ADPRHL1: variants seen among roughly 807,000 people sequenced by gnomAD.
The protein encoded by ADPRHL1 is inactive ADP-ribosyltransferase ARH2.
ADPRHL1 carries 43 observed loss-of-function variants against 44.1 expected under a neutral mutation model. The observed-to-expected ratio is 0.98, with a 90% CI of 0.76 to 1.26. The LOEUF is 1.26. Ranked by LOEUF, ADPRHL1 falls within the 50% of genes most tolerant of loss-of-function variation. The pLI is 0.00. For synonymous variants in ADPRHL1, 878 were observed against 1,017.4 expected (o/e 0.86, Z 2.61); for missense variants, 2,022 against 2,496.9 (o/e 0.81, Z 4.05).
In ADPRHL1 at chr13:113,433,818, G is replaced by T; in HGVS notation, c.429C>A (p.Tyr143Ter). 3.2e-6 allele frequency: 5 copies of T among 1,581,256 alleles called. No individual in the cohort carries two copies. The highest frequency in any genetic ancestry group is 4.3e-6 in the Non-Finnish European group (5 of 1,164,074). Residue 143 changes from tyrosine to a stop codon, truncating the protein, a stop_gained, in exon 3 of 8, where the codon TAC becomes TAA. Coordinates refer to ENST00000612156, the MANE Select transcript of ADPRHL1 (RefSeq NM_001394807.1). LOFTEE classifies it high-confidence loss of function. ...ATKAMCIGLR[Y>*]WKPERLETLI... ...GGGTCTCCAGCCGCTCAGGCTTCCA[G>T]TACCGCAGGCCGATGCACATGGCCT...
At chr13:113,424,148 C>T in intron 6 of ADPRHL1, 69 bp downstream of exon 6, 1 of 1,588,718 alleles carries the variant, frequency 6.3e-7, no homozygotes, top group Non-Finnish European at 8.6e-7. Context: ...TCCTAGGACA[C>T]TCCGAGGGGG....
intron 2 of ADPRHL1, among the ~76,000 whole-genome samples, chr13:113,434,702 T>G (rs534939011): frequency 8.5e-6 from 1 of 118,090 alleles, no homozygotes; most frequent in Non-Finnish European, 1.7e-5. Flanking sequence ...AGAGTGAACA[T>G]AGGTGTACCC....
rs1486129623 is a variant in ADPRHL1, at chr13:113,400,603, G to C, written c.*2775C>G. On this transcript the variant is annotated 3_prime_UTR_variant, in exon 8 of 8. Coordinates refer to ENST00000612156, the MANE Select transcript of ADPRHL1 (RefSeq NM_001394807.1). ...CCATGTGGCCGTGATGGTCGTATCT[G>C]AAGTGTGAATACTTCCCCGCGCTAT... is the stretch of plus-strand genomic sequence containing the variant. 1 of 152,220 alleles carries C rather than the reference G, an allele frequency of 6.6e-6. No individual in the cohort carries two copies. The highest frequency in any genetic ancestry group is 1.5e-5 in the Non-Finnish European group (1 of 68,058). The allele number at this position is 152,220 out of a possible 1,614,324, so 9.4% of individuals were successfully genotyped here. A position where few individuals can be genotyped will look rare whatever the true frequency, so the allele number is the denominator to read the frequency against.
At chr13:113,436,776 C>G (rs1324647681) in intron 2 of ADPRHL1, among the ~76,000 whole-genome samples, 5 of 14,108 alleles carry the variant, frequency 3.5e-4, no homozygotes, top group Non-Finnish European at 6.1e-4. Flanking sequence ...TACCCCGGGA[C>G]CCGGCACCCA....
In ADPRHL1 at chr13:113,409,425, G is replaced by A. The variant is rs188814605; in HGVS notation, c.1062-1205C>T. The stretch of plus-strand genomic sequence containing the variant: ...AGACTCGAGTATTACAGGAAAAGTC[G>A]CCTTCATGGTGCCGTTTATAATGTT... On this transcript the variant is annotated intron_variant, in intron 7 of 7. Transcript: ENST00000612156. The surrounding 1 kb of genome is among the most constrained non-coding windows in gnomAD (Gnocchi z 4.2). The A allele has an allele frequency of 2.6e-4, 255 of 985,382 alleles. 2 individuals carry two copies. The African/African-American group carries it at 3.9e-3, about 15-fold the overall frequency. 61.0% of individuals were successfully genotyped at this position (985,382 alleles called of 1,614,324 possible). A position where few individuals can be genotyped will look rare whatever the true frequency, so the allele number is the denominator to read the frequency against.
At position 113,403,167 on chromosome 13, in the gene ADPRHL1, T is replaced by G. The variant is rs972961357; in HGVS notation, c.*211A>C. ...CACAGGCCCGCACCTCCCACCCCCATGGCCTCGTGGCTCTGTGGGGTGACA... is the reference window on the plus strand; with the variant it reads ...CACAGGCCCGCACCTCCCACCCCCAGGGCCTCGTGGCTCTGTGGGGTGACA... On this transcript the variant is annotated 3_prime_UTR_variant, in exon 8 of 8. Coordinates refer to ENST00000612156, the MANE Select transcript of ADPRHL1 (RefSeq NM_001394807.1). 2 of 391,242 alleles carry G rather than the reference T, an allele frequency of 5.1e-6. No homozygotes were observed. The highest frequency in any genetic ancestry group is 4.6e-5 in the Admixed American group (1 of 21,822). The allele number at this position is 391,242 out of a possible 1,614,324, so 24.2% of individuals were successfully genotyped here. A position where few individuals can be genotyped will look rare whatever the true frequency, so the allele number is the denominator to read the frequency against.
intron 1 of ADPRHL1, among the ~76,000 whole-genome samples, chr13:113,450,999 C>A (rs1383357508): frequency 2.7e-5 from 4 of 148,154 alleles, no homozygotes; most frequent in Non-Finnish European, 5.9e-5. Context: ...TTGTTCCTTG[C>A]CACCTTTTGC....
chr13:113,449,562 C>T lies in ADPRHL1; in HGVS notation c.214+3662G>A, dbSNP rs148854151. On this transcript the variant is annotated intron_variant, in intron 1 of 7. Coordinates refer to ENST00000612156, the MANE Select transcript of ADPRHL1 (RefSeq NM_001394807.1). The stretch of plus-strand genomic sequence containing the variant: ...GGAGGGAGCCCCGTTCAGAGAGACA[C>T]ACCCGGAAGGAGGCAGCCCGGTTCA... Among the ~76,000 whole-genome samples, 451 of 152,102 alleles carry T rather than the reference C, an allele frequency of 3.0e-3. 1 individual carries two copies. The highest frequency in any genetic ancestry group is 0.017 in the Middle Eastern group (5 of 294).
At position 113,422,988 on chromosome 13, in the gene ADPRHL1, C is replaced by T. The variant is rs760236317; in HGVS notation, c.908-9G>A. On this transcript the variant is annotated splice_polypyrimidine_tract_variant and intron_variant, in intron 6 of 7. Transcript: ENST00000612156. Reference sequence around the variant, plus strand: ...CGTGGCCGCGCTCTCCCCTGAAACGCAAAGGCAGCAGTTGCAGTGGGCTCC... The same window carrying T: ...CGTGGCCGCGCTCTCCCCTGAAACGTAAAGGCAGCAGTTGCAGTGGGCTCC... 56 of 1,612,540 alleles carry T rather than the reference C, an allele frequency of 3.5e-5. No individual in the cohort carries two copies. Among genetic ancestry groups the T allele is most frequent in the Admixed American group, 1.5e-4 (9 of 59,996 alleles).
intron 4 of ADPRHL1, among the ~76,000 whole-genome samples, chr13:113,426,804 C>A (rs549983900): frequency 6.6e-6 from 1 of 152,222 alleles, no homozygotes; most frequent in South Asian, 2.1e-4. Context: ...CTGCCTCTCA[C>A]CCGAGTCAGC....
chr13:113,425,244 G>A, intron 4 of ADPRHL1, 65 bp from the exon 5 acceptor site: 3 of 792,654 alleles, frequency 3.8e-6, no homozygotes, highest in Non-Finnish European at 4.9e-6. Flanking sequence ...GGTGCAGGGA[G>A]TTGGGGGTGG....
At chr13:113,443,467 A>C (rs1004908964) in intron 2 of ADPRHL1, among the ~76,000 whole-genome samples, 2 of 150,222 alleles carry the variant, frequency 1.3e-5, no homozygotes, top group Admixed American at 6.6e-5. Flanking sequence ...AACAACCAAA[A>C]CATTAACTGG....
intron 1 of ADPRHL1, among the ~76,000 whole-genome samples, chr13:113,449,844 A>C (rs939576599): frequency 1.3e-5 from 2 of 152,186 alleles, no homozygotes; most frequent in African/African-American, 4.8e-5. Flanking sequence ...TGATCTCAGC[A>C]GTCAGGGAGG....
rs1462845515 is a variant in ADPRHL1, at chr13:113,406,081, C to G, written c.3201G>C (p.Glu1067Asp). The G allele has an allele frequency of 8.1e-7, 1 of 1,232,080 alleles. No individual in the cohort carries two copies. Among genetic ancestry groups the G allele is most frequent in the Admixed American group, 4.2e-5 (1 of 23,708 alleles). 76.3% of individuals were successfully genotyped at this position (1,232,080 alleles called of 1,614,324 possible). Residue 1067 changes from glutamate to aspartate, a missense_variant, in exon 8 of 8, where the codon GAG (glutamate) becomes GAC (aspartate). This residue lies in a region of ADPRHL1 where 1,221 missense variants were observed against 1,517.8 expected (regional missense o/e 0.80). Transcript: ENST00000612156. ...PMGMTVPGAL[E>D]ECRRPLLIES... ...CTATTAGCAGCGGCCTTCTGCATTCCTCCAGCGCACCGGGCACTGTCATGC... is the reference window on the plus strand; with the variant it reads ...CTATTAGCAGCGGCCTTCTGCATTCGTCCAGCGCACCGGGCACTGTCATGC...
chr13:113,437,126 G>C (rs7322925), intron 2 of ADPRHL1, among the ~76,000 whole-genome samples: 1 of 86,908 alleles, frequency 1.2e-5, no homozygotes, highest in Admixed American at 1.1e-4. Context: ...GCACCCACAC[G>C]TAGAGTGAAC....
At chr13:113,426,700 A>T (rs1330823378) in intron 4 of ADPRHL1, among the ~76,000 whole-genome samples, 3 of 152,246 alleles carry the variant, frequency 2.0e-5, no homozygotes, top group Non-Finnish European at 4.4e-5. Flanking sequence ...ACGCAAAAGT[A>T]AGAGGGCAGC....
chr13:113,403,497 C>A lies in ADPRHL1; in HGVS notation c.5785G>T (p.Gly1929Trp). The change falls in exon 8 of 8, where the codon GGG (glycine) becomes TGG (tryptophan). Residue 1929 changes from glycine to tryptophan, a missense_variant. Coordinates refer to ENST00000612156, the MANE Select transcript of ADPRHL1 (RefSeq NM_001394807.1). ...TACTTGGCCAGGTGCCTGGACCTCCCGCGACGCTCGGGCTCCGATGCCTCC... is the reference window on the plus strand; with the variant it reads ...TACTTGGCCAGGTGCCTGGACCTCCAGCGACGCTCGGGCTCCGATGCCTCC... ...RMEASEPERR[G>W]RSRHLAKYKA... 1 of 1,232,058 alleles carries A rather than the reference C, an allele frequency of 8.1e-7. No homozygotes were observed. Among genetic ancestry groups the A allele is most frequent in the Non-Finnish European group, 1.0e-6 (1 of 988,030 alleles). The allele number at this position is 1,232,058 out of a possible 1,614,324, so 76.3% of individuals were successfully genotyped here.
chr13:113,428,983 C>G lies in ADPRHL1; in HGVS notation c.615G>C (p.Glu205Asp), dbSNP rs769817799. 20 of 1,612,702 alleles carry G rather than the reference C, an allele frequency of 1.2e-5. No individual in the cohort carries two copies. The highest frequency in any genetic ancestry group is 1.6e-5 in the Non-Finnish European group (19 of 1,180,022). Residue 205 changes from glutamate (E) to aspartate (D), a missense_variant, in exon 4 of 8, where the codon GAG (glutamate) becomes GAC (aspartate). Glu to Asp is a conservative substitution (Grantham distance 45, BLOSUM62 2). Transcript: ENST00000612156. ...TGTGCCGGATGGTCTTCCTGCAGTA[C>G]TCTTCTGCCAGAGGCACCGCCCGCA... is the stretch of plus-strand genomic sequence containing the variant. ...DMLRAVPLAE[E>D]YCRKTIRHTA...
Position 113,424,343 on chromosome 13 carries a change from T to C in ADPRHL1, c.781A>G (p.Arg261Gly). Residue 261 changes from arginine to glycine, a missense_variant, in exon 6 of 8, where the codon AGG becomes GGG. By Grantham distance (125) the Arg-to-Gly change is moderately radical. Around this residue, in one of 8 missense-constraint regions of ADPRHL1, gnomAD observed 437 missense variants for 430.7 expected, o/e 1.01. Coordinates refer to ENST00000612156, the MANE Select transcript of ADPRHL1 (RefSeq NM_001394807.1). ...CCTCGACCTTCCGAGCTCCACTTCC[T>C]GTAGGTCTGACAAGAGAGCCGTGGG... ...YDAEEREKTY[R>G]KWSSEGRGGR... 1 of 1,612,778 alleles carries C rather than the reference T, an allele frequency of 6.2e-7. No individual in the cohort carries two copies. Among genetic ancestry groups the C allele is most frequent in the South Asian group, 1.1e-5 (1 of 91,084 alleles).
Sources: gnomAD v4.1 joint callset for allele counts (sites outside exome capture counted in the v4.1 genomes callset) on GRCh38, gnomAD v4.1.1 for gene constraint, gnomAD v4.1.1 regional missense constraint, Gnocchi (gnomAD v3.1) non-coding constraint, MANE v1.5 for transcripts, NCBI Gene and HGNC (gene_info 2026-07-23, HGNC 2026-07-21) for gene names.